METTL17: variants seen among roughly 807,000 people sequenced by gnomAD.
METTL17 encodes the protein ribosome assembly protein METTL17, mitochondrial.
METTL17 carries 49 observed loss-of-function variants against 59.4 expected under a neutral mutation model. The ratio of observed to expected loss-of-function variants is 0.82; its 90% confidence interval spans 0.66 to 1.05. The LOEUF (loss-of-function observed/expected upper bound fraction) is 1.05, where lower values mean the gene tolerates loss of function less well. Ranked by LOEUF, METTL17 falls within the 50% of genes least tolerant of loss-of-function variation. The pLI is 0.00. For missense variants in METTL17, 555 were observed against 578.4 expected (o/e 0.96, Z 0.41); for synonymous variants, 208 against 209.2 (o/e 0.99, Z 0.05).
rs1317474318 is a variant in METTL17 at position 20,994,572 on chromosome 14, C to A, written c.727C>A (p.Pro243Thr). The change falls in exon 8 of 14, where the codon CCA becomes ACA. Residue 243 changes from proline (P) to threonine (T), a missense_variant. By Grantham distance (38) the Pro-to-Thr change is conservative (BLOSUM62 -1). Coordinates refer to ENST00000339374, the MANE Select transcript of METTL17 (RefSeq NM_022734.3). The part of the protein sequence containing the change: ...GGSESGEPYI[P>T]GVFFRQFLPV... ...TTCAGAATCTGGGGAGCCTTATATTCCAGGTGTCTTTTTCAGACAGTTTCT... is the reference window on the plus strand; with the variant it reads ...TTCAGAATCTGGGGAGCCTTATATTACAGGTGTCTTTTTCAGACAGTTTCT... 4 of 1,614,186 alleles carry A rather than the reference C, an allele frequency of 2.5e-6. No homozygotes were observed. Among genetic ancestry groups the A allele is most frequent in the Non-Finnish European group, 3.4e-6 (4 of 1,180,024 alleles).
chr14:20,993,363 C>A, intron 6 of METTL17, 172 bp downstream of exon 6: 4 of 512,794 alleles, frequency 7.8e-6, no homozygotes, highest in Non-Finnish European at 6.9e-6. Context: ...TGGATTGGGG[C>A]CAGAACTTAA....
rs1296827100 is a variant in METTL17, at chr14:20,994,632, A to C, written c.768+19A>C. 6 of 1,610,238 alleles carry C rather than the reference A, an allele frequency of 3.7e-6. No homozygotes were observed. Among genetic ancestry groups the C allele is most frequent in the Non-Finnish European group, 5.1e-6 (6 of 1,176,570 alleles). ...ACCCAAGGCAAGTGGCAGTGTTTAG[A>C]ATATTCTAAATGTGGAATGTGGCAG... On this transcript the variant is annotated intron_variant, in intron 8 of 13. Coordinates refer to ENST00000339374, the MANE Select transcript of METTL17 (RefSeq NM_022734.3).
chr14:20,994,762 G>T (rs1033750901), intron 8 of METTL17, 32 bp from the exon 9 acceptor site: 2 of 1,574,684 alleles, frequency 1.3e-6, no homozygotes, highest in African/African-American at 2.7e-5. Context: ...TAGAGATGTT[G>T]AGTCTGTCAT....
chr14:20,991,874 C>T (rs1190701695), intron 3 of METTL17: 2 of 379,810 alleles, frequency 5.3e-6, no homozygotes, highest in Non-Finnish European at 9.5e-6. Context: ...TAAAACAAAC[C>T]TGTGGGACAG....
At chr14:20,992,034 G>A (rs1003594719) in intron 3 of METTL17, 90 bp from the exon 4 acceptor site, 9 of 1,168,586 alleles carry the variant, frequency 7.7e-6, no homozygotes, top group South Asian at 4.0e-5. Flanking sequence ...AGGTGGAGTC[G>A]GGGAGGACTG....
chr14:20,996,183 T>TA, intron 11 of METTL17, 26 bp from the exon 12 acceptor site: 1 of 1,603,262 alleles, frequency 6.2e-7, no homozygotes, highest in Non-Finnish European at 8.5e-7. Context: ...TCTTTTGTCT[T>TA]ACCTCATTTT....
intron 3 of METTL17, 137 bp from the exon 4 acceptor site, chr14:20,991,987 A>G (rs1880050015): frequency 1.4e-6 from 1 of 705,978 alleles, no homozygotes; most frequent in Non-Finnish European, 2.4e-6. Flanking sequence ...ACTTTTCTCT[A>G]GGTTTGTCGT....
At chr14:20,993,376 G>A in intron 6 of METTL17, 185 bp downstream of exon 6, 5 of 476,742 alleles carry the variant, frequency 1.0e-5, no homozygotes, top group South Asian at 4.6e-5. Context: ...GAACTTAAAA[G>A]AAATGTCAAG....
intron 3 of METTL17, chr14:20,990,834 GT>G: frequency 2.0e-6 from 1 of 489,664 alleles, no homozygotes; most frequent in Non-Finnish European, 3.5e-6. Flanking sequence ...TTGTTTTGTT[GT>G]TTTGTTTTTG....
At chr14:20,996,746 G>T (rs1218223513) in intron 13 of METTL17, 35 bp downstream of exon 13, 1 of 1,614,086 alleles carries the variant, frequency 6.2e-7, no homozygotes, top group African/African-American at 1.3e-5. Context: ...GTGGGATGTG[G>T]CAGGAAGCTG....
At chr14:20,991,188 C>T (rs886901793) in intron 3 of METTL17, among the ~76,000 whole-genome samples, 4 of 152,090 alleles carry the variant, frequency 2.6e-5, no homozygotes, top group Non-Finnish European at 1.5e-5. Flanking sequence ...GGATTAGGAC[C>T]TTCTAAGTTT....
chr14:20,992,521 C>T lies in METTL17; in HGVS notation c.447-20C>T, dbSNP rs1486529847. The T allele has an allele frequency of 6.3e-7, 1 of 1,588,554 alleles. No homozygotes were observed. The highest frequency in any genetic ancestry group is 8.6e-7 in the Non-Finnish European group (1 of 1,156,984). The stretch of plus-strand genomic sequence containing the variant: ...TAAGGTTATTTACTAGTATGTACAA[C>T]TCTGTGATTTTAATGGCAGCTACAC... On this transcript the variant is annotated intron_variant, in intron 4 of 13. Coordinates refer to ENST00000339374, the MANE Select transcript of METTL17 (RefSeq NM_022734.3).
At chr14:20,993,281 A>C in intron 6 of METTL17, 90 bp downstream of exon 6, 1 of 1,106,944 alleles carries the variant, frequency 9.0e-7, no homozygotes, top group Non-Finnish European at 1.4e-6. Context: ...CTGGAAAACC[A>C]GAGGGAGAAT....
In METTL17 at chr14:20,996,171, G is replaced by A. The variant is rs545818940; in HGVS notation, c.997-38G>A. 7.6e-6 allele frequency: 12 copies of A among 1,574,276 alleles called. No homozygotes were observed. In the East Asian group the frequency reaches 1.6e-4, roughly 21 times the overall value. On this transcript the variant is annotated intron_variant, in intron 11 of 13. Coordinates refer to ENST00000339374, the MANE Select transcript of METTL17 (RefSeq NM_022734.3). ...CAGTTTTTAAGTTTTGTGATTGATG[G>A]CTCTTTTGTCTTACCTCATTTTTTT...
chr14:20,994,449 A>G (rs1296714569), intron 7 of METTL17, 94 bp from the exon 8 acceptor site: 3 of 1,056,064 alleles, frequency 2.8e-6, no homozygotes, highest in Non-Finnish European at 4.4e-6. Context: ...TATACACTTT[A>G]CCTATTCTTG....
rs190905752 is a variant in METTL17, at chr14:20,992,697, G to A, written c.528+75G>A. The A allele has an allele frequency of 6.1e-6, 7 of 1,139,944 alleles. No individual in the cohort carries two copies. The Admixed American group carries it at 1.1e-4, about 17-fold the overall frequency. The allele number at this position is 1,139,944 out of a possible 1,614,324, so 70.6% of individuals were successfully genotyped here. A position where few individuals can be genotyped will look rare whatever the true frequency, so the allele number is the denominator to read the frequency against. On this transcript the variant is annotated intron_variant, in intron 5 of 13. Transcript: ENST00000339374. ...ATTCATAAAGTAGTTTTCTAGGATG[G>A]GGATTCTTGGGACATTGCATATGCA... is the stretch of plus-strand genomic sequence containing the variant.
intron 6 of METTL17, chr14:20,993,409 AAAATT>A (rs923395057): frequency 8.8e-5 from 43 of 488,302 alleles, no homozygotes; most frequent in Non-Finnish European, 1.4e-5. Context: ...CATGTGTAGA[AAAATT>A]AAAAAGAAAA....
At chr14:20,993,716 G>A (rs141878103) in intron 6 of METTL17, 157 of 268,358 alleles carry the variant, frequency 5.9e-4, no homozygotes, top group South Asian at 1.8e-3. Flanking sequence ...CTTGTGATCC[G>A]CCCACCTTGG....
At chr14:20,994,442 A>G (rs1014379840) in intron 7 of METTL17, 101 bp from the exon 8 acceptor site, 1 of 1,011,356 alleles carries the variant, frequency 9.9e-7, no homozygotes, top group Non-Finnish European at 1.5e-6. Context: ...TTTTTGATAT[A>G]CACTTTACCT....
Sources: gnomAD v4.1 joint callset for allele counts (sites outside exome capture counted in the v4.1 genomes callset) on GRCh38, gnomAD v4.1.1 for gene constraint, MANE v1.5 for transcripts, NCBI Gene and HGNC (gene_info 2026-07-23, HGNC 2026-07-21) for gene names.